The following SDK1 variants were observed in gnomAD, a reference collection of about 807,000 sequenced individuals.
SDK1 encodes protein sidekick-1.
In SDK1, 157 loss-of-function variants were observed where a neutral mutation model predicts 245.5. That is an observed-to-expected ratio of 0.64 (90% CI 0.56 to 0.73). The LOEUF (loss-of-function observed/expected upper bound fraction) is 0.73. Among genes scored for constraint, SDK1 ranks in the 30% least tolerant of loss-of-function variants. The pLI is 0.00. For synonymous variants in SDK1, 1,647 were observed against 1,278.5 expected (o/e 1.29, Z -6.15); for missense variants, 3,583 against 3,002.3 (o/e 1.19, Z -4.52).
rs578219185 is a variant in SDK1, at chr7:3,685,707, A to G, written c.713+43602A>G. On this transcript the variant is annotated intron_variant, in intron 4 of 44. Transcript: ENST00000404826. ...ACCTAAATGGAAGTAAGGTTTCTACACTTCAAAGTATCATATATGTACATT... is the reference window on the plus strand; with the variant it reads ...ACCTAAATGGAAGTAAGGTTTCTACGCTTCAAAGTATCATATATGTACATT... Among the ~76,000 whole-genome samples the G allele has an allele frequency of 5.3e-5, 8 of 152,332 alleles. No individual in the cohort carries two copies. In the East Asian group the frequency reaches 1.5e-3, roughly 29 times the overall value.
intron 1 of SDK1, among the ~76,000 whole-genome samples, chr7:3,374,498 G>A (rs1781305892): frequency 6.6e-6 from 1 of 152,120 alleles, no homozygotes; most frequent in Non-Finnish European, 1.5e-5. Context: ...AACTCTGAAA[G>A]CCCTTCAGTG....
chr7:4,017,903 G>A (rs756100866), intron 17 of SDK1, among the ~76,000 whole-genome samples: 7 of 152,190 alleles, frequency 4.6e-5, no homozygotes, highest in Admixed American at 2.6e-4. Context: ...ACGTCATGAA[G>A]CCAGTGGTTC....
chr7:3,371,812 G>A (rs1456881515), intron 1 of SDK1, among the ~76,000 whole-genome samples: 2 of 152,174 alleles, frequency 1.3e-5, no homozygotes, highest in African/African-American at 4.8e-5. Flanking sequence ...TAAATTGACT[G>A]CACTGCAGAA....
intron 1 of SDK1, among the ~76,000 whole-genome samples, chr7:3,342,624 C>A (rs1780378856): frequency 6.6e-6 from 1 of 151,990 alleles, no homozygotes; most frequent in Admixed American, 6.6e-5. Flanking sequence ...CTTCAGAATC[C>A]AGAACTAAGC....
chr7:3,959,071 C>G, intron 8 of SDK1, 57 bp downstream of exon 8: 2 of 1,303,412 alleles, frequency 1.5e-6, no homozygotes, highest in Admixed American at 1.7e-5. Flanking sequence ...GGGAAACAAC[C>G]TTTTTCCATA....
intron 1 of SDK1, among the ~76,000 whole-genome samples, chr7:3,313,657 G>C (rs192271875): frequency 1.3e-5 from 2 of 152,326 alleles, no homozygotes; most frequent in East Asian, 3.9e-4. Context: ...ATTAGCGAGA[G>C]TGTAAGCAGT....
rs568448211 is a variant in SDK1, at chr7:3,712,795, T to C, written c.713+70690T>C. On this transcript the variant is annotated intron_variant, in intron 4 of 44. Coordinates refer to ENST00000404826, the MANE Select transcript of SDK1 (RefSeq NM_152744.4). ...TTCTGAGGAAAGGGTCAGAAAAGTC[T>C]TCCTAAAGGAGCAGAGTCTAAATGT... Among the ~76,000 whole-genome samples the C allele has an allele frequency of 3.9e-5, 6 of 152,328 alleles. No homozygotes were observed. The South Asian group carries it at 1.2e-3, about 32-fold the overall frequency.
intron 22 of SDK1, among the ~76,000 whole-genome samples, chr7:4,109,113 G>A (rs1562822534): frequency 6.6e-6 from 1 of 152,174 alleles, no homozygotes; most frequent in African/African-American, 2.4e-5. Context: ...GTCGTGACTA[G>A]TGCACTAGGA....
intron 1 of SDK1, among the ~76,000 whole-genome samples, chr7:3,321,828 C>CCTTT (rs1779820609): frequency 1.6e-5 from 2 of 122,770 alleles, no homozygotes; most frequent in Admixed American, 8.1e-5. Context: ...TTCCTTCCTT[C>CCTTT]CTCCTTTTCT....
intron 5 of SDK1, among the ~76,000 whole-genome samples, chr7:3,870,313 C>G (rs752990060): frequency 5.3e-5 from 8 of 152,038 alleles, no homozygotes; most frequent in Admixed American, 2.0e-4. Context: ...CGACTTGGCC[C>G]CTTTTAAGCT....
chr7:3,517,107 C>T (rs1249544754), intron 1 of SDK1, among the ~76,000 whole-genome samples: 1 of 152,078 alleles, frequency 6.6e-6, no homozygotes, highest in Non-Finnish European at 1.5e-5. Context: ...CATTACTGAA[C>T]CTAGTTACAT....
chr7:4,082,068 T>C (rs1368227638), intron 22 of SDK1, among the ~76,000 whole-genome samples: 2 of 152,180 alleles, frequency 1.3e-5, no homozygotes, highest in African/African-American at 2.4e-5. Flanking sequence ...TCTTTGGTGT[T>C]GGAATAACAG....
chr7:4,254,332 T>A, intron 44 of SDK1, among the ~76,000 whole-genome samples: 1 of 152,212 alleles, frequency 6.6e-6, no homozygotes, highest in Non-Finnish European at 1.5e-5. Context: ...TTCTTCAGAC[T>A]GCGTAATCTC....
At chr7:3,965,236 C>T (rs184655659) in intron 9 of SDK1, among the ~76,000 whole-genome samples, 25 of 152,198 alleles carry the variant, frequency 1.6e-4, no homozygotes, top group Non-Finnish European at 2.5e-4. Flanking sequence ...TTGTAGTTTG[C>T]CAATCTCCAT....
chr7:4,245,673 T>G lies in SDK1; in HGVS notation c.6252-3T>G. 2 of 1,613,888 alleles carry G rather than the reference T, an allele frequency of 1.2e-6. No homozygotes were observed. The highest frequency in any genetic ancestry group is 2.2e-5 in the South Asian group (2 of 91,068). On this transcript the variant is annotated splice_region_variant and splice_polypyrimidine_tract_variant and intron_variant, in intron 43 of 44. Coordinates refer to ENST00000404826, the MANE Select transcript of SDK1 (RefSeq NM_152744.4). ...GTAATTGCAGCATGGGTCCTCATCC[T>G]AGGTCCCCACCCCGGCCTAGCCCCG... is the stretch of plus-strand genomic sequence containing the variant.
chr7:3,807,223 C>G (rs1779273361), intron 4 of SDK1, among the ~76,000 whole-genome samples: 1 of 152,158 alleles, frequency 6.6e-6, no homozygotes, highest in Non-Finnish European at 1.5e-5. Context: ...ATTAGCGGGA[C>G]TGACAGCTGC....
chr7:3,821,715 C>A (rs894583406), intron 5 of SDK1, 132 bp downstream of exon 5: 2 of 881,594 alleles, frequency 2.3e-6, no homozygotes, highest in South Asian at 2.1e-5. Context: ...TAATATTGAT[C>A]CAGTGCCAAT....
chr7:3,921,927 G>A (rs1425166960), intron 5 of SDK1, among the ~76,000 whole-genome samples: 1 of 152,138 alleles, frequency 6.6e-6, no homozygotes, highest in East Asian at 1.9e-4. Flanking sequence ...GATCACACCA[G>A]TGCACTCCAG....
In SDK1 at chr7:3,326,256, A is replaced by G. The variant is rs192224405; in HGVS notation, c.298+24372A>G. ...GGTGAACATGTTTCTAGAAATCTCT[A>G]TGGTTATATACATATGTAAAAGTGT... On this transcript the variant is annotated intron_variant, in intron 1 of 44. Transcript: ENST00000404826. 3.4e-3 allele frequency among the ~76,000 whole-genome samples: 523 copies of G among 152,272 alleles called. 3 individuals carry two copies. Among genetic ancestry groups the G allele is most frequent in the Admixed American group, 6.1e-3 (93 of 15,288 alleles).
Sources: gnomAD v4.1 joint callset for allele counts (sites outside exome capture counted in the v4.1 genomes callset) on GRCh38, gnomAD v4.1.1 for gene constraint, MANE v1.5 for transcripts, NCBI Gene and HGNC (gene_info 2026-07-23, HGNC 2026-07-21) for gene names.